The following ZDHHC19 variants were observed in gnomAD, a reference collection of about 807,000 sequenced individuals.
The protein encoded by ZDHHC19 is zDHHC palmitoyltransferase 19.
In ZDHHC19, 30 loss-of-function variants were observed where a neutral mutation model predicts 33.9. The observed-to-expected ratio is 0.88, with a 90% CI of 0.66 to 1.20. The LOEUF (loss-of-function observed/expected upper bound fraction) is 1.20. ZDHHC19 is among the 50% of genes most tolerant of loss of function. The pLI, the probability that ZDHHC19 is intolerant of heterozygous loss-of-function variation, is 0.00. For synonymous variants in ZDHHC19, 178 were observed against 167.6 expected, an observed-to-expected ratio of 1.06 and a Z score of -0.48; for missense variants, 364 against 401.1, an observed-to-expected ratio of 0.91 and a Z score of 0.79.
rs552774009 is a variant in ZDHHC19, at chr3:196,200,576, G to T, written c.688-1702C>A. 4.9e-3 allele frequency among the ~76,000 whole-genome samples: 728 copies of T among 149,662 alleles called. 3 individuals are homozygous for T. The highest frequency in any genetic ancestry group is 8.7e-3 in the Non-Finnish European group (587 of 67,652). On this transcript the variant is annotated intron_variant, in intron 5 of 7. Transcript: ENST00000296326. ...TCACCGTGTTAGCCAGGATGGTCTC[G>T]ATCTCCTGACCTCGTGATCCGCCCA...
Position 196,199,812 on chromosome 3 carries a change from G to C in ZDHHC19, c.688-938C>G, listed in dbSNP as rs564190981. Among the ~76,000 whole-genome samples, 18 of 151,484 alleles carry C rather than the reference G, an allele frequency of 1.2e-4. 1 individual carries two copies. Among genetic ancestry groups the C allele is most frequent in the African/African-American group, 4.2e-4 (17 of 40,924 alleles). ...TACAAAAAATTAGCCAGGCGTGGTG[G>C]CGGGTGCCTGTGATCCCAGCTACTC... On this transcript the variant is annotated intron_variant, in intron 5 of 7. Coordinates refer to ENST00000296326, the MANE Select transcript of ZDHHC19 (RefSeq NM_001039617.2).
At chr3:196,206,988 GCTGCACGTC>G (rs1303056935) in intron 5 of ZDHHC19, among the ~76,000 whole-genome samples, 1 of 152,000 alleles carries the variant, frequency 6.6e-6, no homozygotes, top group East Asian at 1.9e-4. Context: ...GAACCCCTAA[GCTGCACGTC>G]CTACCCTACC....
At position 196,210,455 on chromosome 3, in the gene ZDHHC19, G is replaced by GAAAAGAAAAGAAAAGAA. The variant is rs61351386; in HGVS notation, c.268+160_268+161insTTCTTTTCTTTTCTTTT. ...GAAAGAGAAAGAAAGAAAGAAAAGA[G>GAAAAGAAAAGAAAAGAA]AAGAGAAGAAAGAGTGAGCGAGGGC... On this transcript the variant is annotated intron_variant, in intron 2 of 7. Coordinates refer to ENST00000296326, the MANE Select transcript of ZDHHC19 (RefSeq NM_001039617.2). 9.0e-3 allele frequency among the ~76,000 whole-genome samples: 1,303 copies of GAAAAGAAAAGAAAAGAA among 144,128 alleles called. 54 individuals are homozygous for GAAAAGAAAAGAAAAGAA. The highest frequency in any genetic ancestry group is 0.031 in the African/African-American group (1,208 of 38,504). 94.6% of individuals were successfully genotyped at this position (144,128 alleles called of 152,430 possible).
At chr3:196,210,519 T>C in intron 2 of ZDHHC19, 97 bp downstream of exon 2, 1 of 1,543,538 alleles carries the variant, frequency 6.5e-7, no homozygotes, top group Admixed American at 1.8e-5. Flanking sequence ...GTCCAGAGGC[T>C]GGAGGAGGGT....
At chr3:196,205,852 G>A (rs1222572866) in intron 5 of ZDHHC19, among the ~76,000 whole-genome samples, 2 of 152,116 alleles carry the variant, frequency 1.3e-5, no homozygotes, top group East Asian at 3.9e-4. Context: ...TAGAGACAGG[G>A]TTTCGCCATG....
Position 196,209,440 on chromosome 3 carries a change from G to A in ZDHHC19, c.344C>T (p.Pro115Leu). The A allele has an allele frequency of 1.2e-6, 2 of 1,611,300 alleles. No homozygotes were observed. Among genetic ancestry groups the A allele is most frequent in the African/African-American group, 1.3e-5 (1 of 75,056 alleles). ...GGGCGGGCGGTGGAAGCAGCACTTT[G>A]GACACCATTGCAGGCGGAAGGCCCC... ...NHGAFRLQWC[P>L]KCCFHRPPRT... The change falls in exon 3 of 8, where the codon CCA becomes CTA. Residue 115 changes from proline (P) to leucine (L), a missense_variant. Coordinates refer to ENST00000296326, the MANE Select transcript of ZDHHC19 (RefSeq NM_001039617.2).
At chr3:196,206,878 T>C (rs1722776629) in intron 5 of ZDHHC19, among the ~76,000 whole-genome samples, 1 of 152,024 alleles carries the variant, frequency 6.6e-6, no homozygotes, top group East Asian at 1.9e-4. Context: ...TTGTTTCCTC[T>C]CCATCCTATC....
rs759827713 is a variant in ZDHHC19 at position 196,198,332 on chromosome 3, G to A, written c.893C>T (p.Ser298Phe). Residue 298 changes from serine to phenylalanine, a missense_variant, in exon 7 of 8, where the codon TCC becomes TTC. Coordinates refer to ENST00000296326, the MANE Select transcript of ZDHHC19 (RefSeq NM_001039617.2). ...GGGGGTCCCTTCCCTGCTTTGTAGG[G>A]ACCCAGAGGTTGGGGCTGGGGGGTT... ...ALNPPAPTSG[S>F]LQSREGTPGA... 1 of 1,514,734 alleles carries A rather than the reference G, an allele frequency of 6.6e-7. No homozygotes were observed. The highest frequency in any genetic ancestry group is 8.8e-7 in the Non-Finnish European group (1 of 1,132,324). 93.8% of individuals were successfully genotyped at this position (1,514,734 alleles called of 1,614,324 possible).
chr3:196,203,517 G>A lies in ZDHHC19; in HGVS notation c.687+3881C>T, dbSNP rs187680283. On this transcript the variant is annotated intron_variant, in intron 5 of 7. Coordinates refer to ENST00000296326, the MANE Select transcript of ZDHHC19 (RefSeq NM_001039617.2). This position sits in a 1 kb window ranked among gnomAD's most constrained non-coding sequence, Gnocchi z 4.3. The stretch of plus-strand genomic sequence containing the variant: ...GCTATCAACCACAGGCAGAGTTGCA[G>A]CCCAGGGATGGAGGAGGAAGGGAAT... 1.1e-3 allele frequency among the ~76,000 whole-genome samples: 161 copies of A among 152,308 alleles called. No homozygotes were observed. The highest frequency in any genetic ancestry group is 2.1e-3 in the Admixed American group (32 of 15,298).
rs761083083 is a variant in ZDHHC19 at position 196,197,985 on chromosome 3, G to A, written c.*20-260C>T. Among the ~76,000 whole-genome samples the A allele has an allele frequency of 1.7e-4, 26 of 152,258 alleles. 1 individual carries two copies. The highest frequency in any genetic ancestry group is 6.8e-3 in the Middle Eastern group (2 of 292). On this transcript the variant is annotated intron_variant, in intron 7 of 7. Transcript: ENST00000296326. The surrounding 1 kb of genome is among the most constrained non-coding windows in gnomAD (Gnocchi z 4.4). Reference sequence around the variant, plus strand: ...ACCCCCTGGCCAAATTATAAACCACGAGACTCATCTCAGTCCTGCGAGTAG... The same window carrying A: ...ACCCCCTGGCCAAATTATAAACCACAAGACTCATCTCAGTCCTGCGAGTAG...
intron 5 of ZDHHC19, among the ~76,000 whole-genome samples, chr3:196,206,895 CCA>C (rs1474031829): frequency 6.6e-6 from 1 of 152,088 alleles, no homozygotes; most frequent in African/African-American, 2.4e-5. Flanking sequence ...TATCAACATT[CCA>C]CAGACTTTCA....
chr3:196,198,904 C>T (rs1041736218), intron 5 of ZDHHC19, 30 bp from the exon 6 acceptor site: 3 of 1,607,516 alleles, frequency 1.9e-6, no homozygotes, highest in African/African-American at 1.3e-5. Context: ...GGAAGAGGAG[C>T]TCAGAACCAG....
At chr3:196,209,302 C>A (rs1306590598) in intron 3 of ZDHHC19, 74 bp downstream of exon 3, 20 of 1,514,218 alleles carry the variant, frequency 1.3e-5, no homozygotes, top group Non-Finnish European at 1.8e-5. Flanking sequence ...CAGCCCTGGC[C>A]CCTGTATGAG....
intron 5 of ZDHHC19, among the ~76,000 whole-genome samples, chr3:196,204,239 T>A (rs1035951331): frequency 6.6e-6 from 1 of 152,164 alleles, no homozygotes; most frequent in African/African-American, 2.4e-5. Context: ...TATTTCCTTA[T>A]AATAATGAAC....
chr3:196,207,418 C>A lies in ZDHHC19; in HGVS notation c.667G>T (p.Asp223Tyr). The A allele has an allele frequency of 1.3e-6, 2 of 1,567,068 alleles. No homozygotes were observed. Among genetic ancestry groups the A allele is most frequent in the Non-Finnish European group, 1.7e-6 (2 of 1,157,110 alleles). ...CGTACCTTGCCCTTGTAGGTGCGGTCGGCCGAGCTCACGGACAGTGCCTGG... is the reference window on the plus strand; with the variant it reads ...CGTACCTTGCCCTTGTAGGTGCGGTAGGCCGAGCTCACGGACAGTGCCTGG... ...LIQALSVSSADRTYKGKCRHL... is the reference protein window; with the variant it reads ...LIQALSVSSAYRTYKGKCRHL... The change falls in exon 5 of 8, where the codon GAC becomes TAC. Residue 223 changes from aspartate to tyrosine, a missense_variant. Transcript: ENST00000296326.
intron 4 of ZDHHC19, among the ~76,000 whole-genome samples, chr3:196,207,837 C>A (rs1291426368): frequency 8.2e-6 from 1 of 122,442 alleles, no homozygotes; most frequent in Non-Finnish European, 1.7e-5. Context: ...TCATCCCGCC[C>A]ACCCCCTTGA....
At chr3:196,200,121 T>C (rs2108714601) in intron 5 of ZDHHC19, among the ~76,000 whole-genome samples, 1 of 150,772 alleles carries the variant, frequency 6.6e-6, no homozygotes, top group Non-Finnish European at 1.5e-5. Flanking sequence ...TCTAAAAAAA[T>C]AAAAATAGGT....
Position 196,203,026 on chromosome 3 carries a change from G to A in ZDHHC19, c.688-4152C>T, listed in dbSNP as rs1488791772. 6.6e-6 allele frequency among the ~76,000 whole-genome samples: 1 copy of A among 152,108 alleles called. No individual in the cohort carries two copies. The highest frequency in any genetic ancestry group is 1.5e-5 in the Non-Finnish European group (1 of 68,014). On this transcript the variant is annotated intron_variant, in intron 5 of 7. Coordinates refer to ENST00000296326, the MANE Select transcript of ZDHHC19 (RefSeq NM_001039617.2). The surrounding 1 kb of genome is among the most constrained non-coding windows in gnomAD (Gnocchi z 4.3). ...TGTAATCCCAGCACTTTGGGAGGCCGAGGCGAGTGGCTCACCTGAGGTCAG... is the reference window on the plus strand; with the variant it reads ...TGTAATCCCAGCACTTTGGGAGGCCAAGGCGAGTGGCTCACCTGAGGTCAG...
At chr3:196,199,897 A>ATC (rs1478493910) in intron 5 of ZDHHC19, among the ~76,000 whole-genome samples, 2 of 151,924 alleles carry the variant, frequency 1.3e-5, no homozygotes, top group African/African-American at 4.8e-5. Context: ...GTGAGCCGAG[A>ATC]TCATGCCACT....
Sources: allele counts gnomAD v4.1 joint callset (sites outside exome capture counted in the v4.1 genomes callset), GRCh38; gene constraint gnomAD v4.1.1; non-coding constraint Gnocchi (gnomAD v3.1); transcripts MANE v1.5; gene names NCBI Gene and HGNC (gene_info 2026-07-23, HGNC 2026-07-21).